CYTIP: variants seen among roughly 807,000 people sequenced by gnomAD.
CYTIP encodes the protein cytohesin 1 interacting protein.
Under a neutral mutation model 43.8 loss-of-function variants are expected in CYTIP, and 26 were observed. That is an observed-to-expected ratio of 0.59 (90% CI 0.44 to 0.82). The LOEUF (loss-of-function observed/expected upper bound fraction) is 0.82. Ranked by LOEUF, CYTIP falls within the 40% of genes least tolerant of loss-of-function variation. CYTIP has a pLI of 0.00. For synonymous variants in CYTIP, 162 were observed against 162.9 expected, an observed-to-expected ratio of 0.99 and a Z score of 0.04; for missense variants, 426 against 443.1, an observed-to-expected ratio of 0.96 and a Z score of 0.35.
intron 1 of CYTIP, among the ~76,000 whole-genome samples, chr2:157,441,740 T>C (rs1349627012): frequency 3.9e-5 from 6 of 152,160 alleles, no homozygotes; most frequent in African/African-American, 1.4e-4. Flanking sequence ...CACTCTGGCT[T>C]AAAACCAGAT....
At chr2:157,435,816 A>T (rs1319627532) in intron 1 of CYTIP, among the ~76,000 whole-genome samples, 1 of 152,236 alleles carries the variant, frequency 6.6e-6, no homozygotes. Flanking sequence ...GCAAAATAAA[A>T]TAAGTAAAGG....
At chr2:157,419,712 C>T (rs1685491273) in intron 6 of CYTIP, among the ~76,000 whole-genome samples, 2 of 152,168 alleles carry the variant, frequency 1.3e-5, no homozygotes, top group South Asian at 4.1e-4. Context: ...CTAGTTGAAA[C>T]AAGCAATCCT....
intron 6 of CYTIP, among the ~76,000 whole-genome samples, chr2:157,426,032 T>C (rs1685600635): frequency 6.6e-6 from 1 of 151,952 alleles, no homozygotes; most frequent in Non-Finnish European, 1.5e-5. Context: ...TAAGGAAATC[T>C]ATAAAAATTA....
intron 1 of CYTIP, chr2:157,438,894 G>A: frequency 2.8e-6 from 1 of 362,782 alleles, no homozygotes; most frequent in Non-Finnish European, 6.0e-6. Context: ...CTTTTAGTAT[G>A]CCGGAAATCA....
chr2:157,438,429 G>C (rs548206667), intron 1 of CYTIP, among the ~76,000 whole-genome samples: 10 of 152,304 alleles, frequency 6.6e-5, no homozygotes, highest in African/African-American at 2.4e-4. Context: ...AAAAATTACA[G>C]CTAGATAGGA....
At chr2:157,441,597 T>C (rs1573864351) in intron 1 of CYTIP, among the ~76,000 whole-genome samples, 2 of 68,066 alleles carry the variant, frequency 2.9e-5, no homozygotes, top group South Asian at 1.2e-3. Context: ...CATGTATATA[T>C]GCACATACAC....
chr2:157,416,085 A>G lies in CYTIP; in HGVS notation c.672T>C (p.Phe224=), dbSNP rs1365101199. ...CTGGGCCTGGCCCAGGCAGGGGTCCAAACAAAGACAATTCATCCAAGTCCA... is the reference window on the plus strand; with the variant it reads ...CTGGGCCTGGCCCAGGCAGGGGTCCGAACAAAGACAATTCATCCAAGTCCA... ...ENMDLDELSL[F]GPLPGPGPAL... The change falls in exon 8 of 8, where the codon TTT becomes TTC. Residue 224 remains phenylalanine (F), a synonymous_variant. Coordinates refer to ENST00000264192, the MANE Select transcript of CYTIP (RefSeq NM_004288.5). 1.3e-5 allele frequency: 21 copies of G among 1,614,006 alleles called. No homozygotes were observed. Among genetic ancestry groups the G allele is most frequent in the Non-Finnish European group, 1.8e-5 (21 of 1,179,980 alleles).
chr2:157,418,477 A>G (rs1454585317), intron 7 of CYTIP, 46 bp downstream of exon 7: 3 of 1,533,002 alleles, frequency 2.0e-6, no homozygotes, highest in African/African-American at 2.8e-5. Context: ...AGAAATACTG[A>G]AAGAAGTAAT....
At chr2:157,423,694 C>T (rs560954552) in intron 6 of CYTIP, among the ~76,000 whole-genome samples, 2 of 152,072 alleles carry the variant, frequency 1.3e-5, no homozygotes, top group South Asian at 4.1e-4. Flanking sequence ...AAATTACAGG[C>T]CAGTCTACCT....
Position 157,443,914 on chromosome 2 carries a change from A to G in CYTIP, c.107T>C (p.Met36Thr). Residue 36 changes from methionine (M) to threonine (T), a missense_variant, in exon 1 of 8, where the codon ATG (methionine) becomes ACG (threonine). Coordinates refer to ENST00000264192, the MANE Select transcript of CYTIP (RefSeq NM_004288.5). Reference protein sequence around the residue: ...SYSTLTGSLTMDDNRRIQMLA... With the variant: ...SYSTLTGSLTTDDNRRIQMLA... ...CATTTGAATCCTTCTATTATCGTCCATCGTAAGGCTGCCGGTGAGTGTGGA... is the reference window on the plus strand; with the variant it reads ...CATTTGAATCCTTCTATTATCGTCCGTCGTAAGGCTGCCGGTGAGTGTGGA... 1 of 1,614,138 alleles carries G rather than the reference A, an allele frequency of 6.2e-7. No individual in the cohort carries two copies. Among genetic ancestry groups the G allele is most frequent in the South Asian group, 1.1e-5 (1 of 91,092 alleles).
At chr2:157,420,478 T>G (rs192118898) in intron 6 of CYTIP, among the ~76,000 whole-genome samples, 34 of 152,050 alleles carry the variant, frequency 2.2e-4, no homozygotes, top group African/African-American at 8.0e-4. Flanking sequence ...ATGGCACAAT[T>G]GTACTCCACC....
chr2:157,441,978 A>C (rs1266251238), intron 1 of CYTIP, among the ~76,000 whole-genome samples: 1 of 152,134 alleles, frequency 6.6e-6, no homozygotes, highest in African/African-American at 2.4e-5. Context: ...AGTGTTCTGT[A>C]AAGCAGCCCA....
At chr2:157,421,239 C>T (rs1685518320) in intron 6 of CYTIP, among the ~76,000 whole-genome samples, 1 of 152,234 alleles carries the variant, frequency 6.6e-6, no homozygotes, top group Admixed American at 6.5e-5. Flanking sequence ...CACTGGGCAG[C>T]ATCACCTCAC....
intron 6 of CYTIP, among the ~76,000 whole-genome samples, chr2:157,423,584 A>C (rs143376178): frequency 2.4e-4 from 36 of 152,088 alleles, no homozygotes; most frequent in African/African-American, 8.2e-4. Flanking sequence ...GGTATTATTA[A>C]AATTCTGCCA....
At chr2:157,424,579 A>C (rs1685574691) in intron 6 of CYTIP, among the ~76,000 whole-genome samples, 1 of 152,100 alleles carries the variant, frequency 6.6e-6, no homozygotes, top group Non-Finnish European at 1.5e-5. Context: ...TAATCCCAGG[A>C]ATTCAGGAGG....
At chr2:157,424,438 T>C (rs542658475) in intron 6 of CYTIP, among the ~76,000 whole-genome samples, 1 of 152,156 alleles carries the variant, frequency 6.6e-6, no homozygotes, top group African/African-American at 2.4e-5. Flanking sequence ...AGAAAGACTT[T>C]AAAGAAAACA....
intron 1 of CYTIP, among the ~76,000 whole-genome samples, chr2:157,436,572 T>C (rs1685809372): frequency 6.6e-6 from 1 of 151,840 alleles, no homozygotes; most frequent in Admixed American, 6.6e-5. Flanking sequence ...CATATATCCA[T>C]ATAGAGAGAG....
intron 3 of CYTIP, among the ~76,000 whole-genome samples, chr2:157,432,305 A>G (rs1685725687): frequency 6.6e-6 from 1 of 152,208 alleles, no homozygotes; most frequent in Admixed American, 6.5e-5. Context: ...AGTTAGAAAT[A>G]GAAAAAAACA....
Position 157,416,095 on chromosome 2 carries a change from A to G in CYTIP, c.662T>C (p.Leu221Ser), listed in dbSNP as rs1204970013. ...PSLENMDLDE[L>S]SLFGPLPGPG... Reference sequence around the variant, plus strand: ...CCCAGGCAGGGGTCCAAACAAAGACAATTCATCCAAGTCCATGTTTTCCAA... The same window carrying G: ...CCCAGGCAGGGGTCCAAACAAAGACGATTCATCCAAGTCCATGTTTTCCAA... Residue 221 changes from leucine (L) to serine (S), a missense_variant, in exon 8 of 8, where the codon TTG (leucine) becomes TCG (serine). Coordinates refer to ENST00000264192, the MANE Select transcript of CYTIP (RefSeq NM_004288.5). The G allele has an allele frequency of 6.2e-7, 1 of 1,613,624 alleles. No homozygotes were observed. The highest frequency in any genetic ancestry group is 8.5e-7 in the Non-Finnish European group (1 of 1,179,902).
Sources: allele counts gnomAD v4.1 joint callset (sites outside exome capture counted in the v4.1 genomes callset), GRCh38; gene constraint gnomAD v4.1.1; transcripts MANE v1.5; gene names NCBI Gene and HGNC (gene_info 2026-07-23, HGNC 2026-07-21).